HEATR5B: variants seen among roughly 807,000 people sequenced by gnomAD.
The protein encoded by HEATR5B is HEAT repeat-containing protein 5B.
Under a neutral mutation model 224.1 loss-of-function variants are expected in HEATR5B, and 156 were observed. That is an observed-to-expected ratio of 0.70 (90% CI 0.61 to 0.80). The LOEUF is 0.80. Among genes scored for constraint, HEATR5B ranks in the 30% least tolerant of loss-of-function variants. HEATR5B has a pLI of 0.00. For missense variants in HEATR5B, 2,323 were observed against 2,535.5 expected (o/e 0.92, Z 1.80); for synonymous variants, 1,027 against 893.0 (o/e 1.15, Z -2.68).
chr2:37,045,466 A>G (rs537338731), intron 18 of HEATR5B, among the ~76,000 whole-genome samples: 2 of 152,336 alleles, frequency 1.3e-5, no homozygotes, highest in South Asian at 2.1e-4. Context: ...TACTGAAGCA[A>G]TATCGTTCCG....
intron 18 of HEATR5B, among the ~76,000 whole-genome samples, chr2:37,042,718 C>T (rs1669949211): frequency 6.6e-6 from 1 of 151,916 alleles, no homozygotes. Context: ...ATGGTGAAAC[C>T]CTGTCTCTAC....
chr2:36,985,642 T>C (rs143653877), intron 35 of HEATR5B, among the ~76,000 whole-genome samples: 1 of 144,890 alleles, frequency 6.9e-6, no homozygotes. Context: ...TTTTTTTTTT[T>C]TTTCAGTAGA....
intron 20 of HEATR5B, among the ~76,000 whole-genome samples, chr2:37,039,409 T>C (rs758742026): frequency 6.6e-6 from 1 of 151,408 alleles, no homozygotes; most frequent in Admixed American, 6.6e-5. Context: ...GAGGTTGCAG[T>C]CAGCTGAGAC....
chr2:37,021,619 T>C (rs751565634), intron 24 of HEATR5B, among the ~76,000 whole-genome samples: 31 of 152,098 alleles, frequency 2.0e-4, no homozygotes, highest in Non-Finnish European at 1.2e-4. Flanking sequence ...CAGGGCGAAG[T>C]GGCTCAGCCT....
Position 37,037,862 on chromosome 2 carries a change from C to G in HEATR5B, c.3209G>C (p.Ser1070Thr). The G allele has an allele frequency of 1.9e-6, 3 of 1,538,946 alleles. No individual in the cohort carries two copies. Among genetic ancestry groups the G allele is most frequent in the Middle Eastern group, 1.7e-4 (1 of 5,764 alleles). The change falls in exon 21 of 36, where the codon AGC (serine) becomes ACC (threonine). Residue 1070 changes from serine (S) to threonine (T), a missense_variant. This residue lies in a region of HEATR5B where 88 missense variants were observed against 86.8 expected (regional missense o/e 1.01). Transcript: ENST00000233099. ...AAATAGCTCTATACTTACACAAAGG[C>G]TAGGAACAAGGCTAGATAGATTGAC... ...RHVNLSSLVPSLCVHLCSSHL... is the reference protein window; with the variant it reads ...RHVNLSSLVPTLCVHLCSSHL...
chr2:37,025,105 C>G (rs933023781), intron 24 of HEATR5B, among the ~76,000 whole-genome samples: 1 of 152,128 alleles, frequency 6.6e-6, no homozygotes, highest in African/African-American at 2.4e-5. Context: ...TTTATTGGGT[C>G]TATACTTTTT....
chr2:36,981,771 C>T lies in HEATR5B; in HGVS notation c.5935G>A (p.Val1979Ile). ...QNRVQLLALLVPTLISYLLDE... is the reference protein window; with the variant it reads ...QNRVQLLALLIPTLISYLLDE... ...AGCAGGTAAGATATCAAAGTGGGAA[C>T]TAAAAGAGCAAGTAGCTGGACTCCT... is the stretch of plus-strand genomic sequence containing the variant. The change falls in exon 36 of 36, where the codon GTT (valine) becomes ATT (isoleucine). Residue 1979 changes from valine to isoleucine, a missense_variant. By Grantham distance (29) the Val-to-Ile change is conservative (BLOSUM62 3). Coordinates refer to ENST00000233099, the MANE Select transcript of HEATR5B (RefSeq NM_019024.3). The T allele has an allele frequency of 6.2e-7, 1 of 1,611,144 alleles. No homozygotes were observed.
At position 37,008,765 on chromosome 2, in the gene HEATR5B, GTCA is replaced by G; in HGVS notation, c.4365_4367del (p.Asp1457del). On this transcript the variant is annotated inframe_deletion, in exon 28 of 36. Transcript: ENST00000233099. ...GCAGTTCATCGATGGTACCACAGTC[GTCA>G]TCATCATCGTCAGTATTTTTAATTG... 4 of 1,613,940 alleles carry G rather than the reference GTCA, an allele frequency of 2.5e-6. No homozygotes were observed. Among genetic ancestry groups the G allele is most frequent in the Non-Finnish European group, 3.4e-6 (4 of 1,179,870 alleles).
At chr2:37,014,260 C>CA (rs1667972827) in intron 26 of HEATR5B, among the ~76,000 whole-genome samples, 1 of 151,968 alleles carries the variant, frequency 6.6e-6, no homozygotes. Flanking sequence ...CTCCTGGGTT[C>CA]AAAAAATTCT....
At chr2:37,045,742 A>G (rs1415475396) in intron 18 of HEATR5B, among the ~76,000 whole-genome samples, 9 of 152,114 alleles carry the variant, frequency 5.9e-5, no homozygotes, top group Non-Finnish European at 1.3e-4. Context: ...CCAAATTGCA[A>G]ATGCTCTCTC....
At chr2:37,074,692 C>A (rs1478198033) in intron 5 of HEATR5B, among the ~76,000 whole-genome samples, 1 of 152,168 alleles carries the variant, frequency 6.6e-6, no homozygotes, top group African/African-American at 2.4e-5. Flanking sequence ...AAAACACTCT[C>A]AAAAGTCAAT....
At chr2:37,035,946 T>A (rs924815179) in intron 21 of HEATR5B, among the ~76,000 whole-genome samples, 4 of 152,210 alleles carry the variant, frequency 2.6e-5, no homozygotes, top group Non-Finnish European at 5.9e-5. Context: ...TATACTCAAG[T>A]CAAAAACCTA....
At chr2:37,023,748 C>T (rs10084334) in intron 24 of HEATR5B, among the ~76,000 whole-genome samples, 1 of 151,724 alleles carries the variant, frequency 6.6e-6, no homozygotes, top group Non-Finnish European at 1.5e-5. Context: ...ACCGCACTTA[C>T]CTTGGGTGAC....
intron 14 of HEATR5B, 43 bp downstream of exon 14, chr2:37,058,408 G>A (rs778355071): frequency 4.2e-6 from 5 of 1,177,170 alleles, no homozygotes; most frequent in South Asian, 2.5e-5. Flanking sequence ...GTGAAGAATT[G>A]TAAAGAAAAA....
At chr2:37,022,032 C>G (rs1341443825) in intron 24 of HEATR5B, among the ~76,000 whole-genome samples, 2 of 151,876 alleles carry the variant, frequency 1.3e-5, no homozygotes, top group Non-Finnish European at 1.5e-5. Flanking sequence ...CCAAAACCCC[C>G]TTTGGAAAAA....
chr2:37,073,368 C>T (rs1672025513), intron 5 of HEATR5B, among the ~76,000 whole-genome samples: 1 of 152,136 alleles, frequency 6.6e-6, no homozygotes, highest in Admixed American at 6.5e-5. Flanking sequence ...TCAATAGATG[C>T]TGAAAAATGA....
chr2:37,070,173 T>G, intron 7 of HEATR5B, 57 bp downstream of exon 7: 1 of 1,555,178 alleles, frequency 6.4e-7, no homozygotes, highest in Non-Finnish European at 8.9e-7. Flanking sequence ...ATGCTGGGAT[T>G]ACAGGCGTGA....
intron 27 of HEATR5B, among the ~76,000 whole-genome samples, chr2:37,009,116 G>A (rs1456262462): frequency 6.6e-6 from 1 of 151,638 alleles, no homozygotes; most frequent in East Asian, 1.9e-4. Context: ...AAATTAGCCG[G>A]GCATGGTGGC....
At position 37,063,475 on chromosome 2, in the gene HEATR5B, T is replaced by C. The variant is rs1161698622; in HGVS notation, c.1584+1265A>G. Among the ~76,000 whole-genome samples, 5 of 152,180 alleles carry C rather than the reference T, an allele frequency of 3.3e-5. No homozygotes were observed. The East Asian group carries it at 9.6e-4, about 29-fold the overall frequency. On this transcript the variant is annotated intron_variant, in intron 10 of 35. Transcript: ENST00000233099. Reference sequence around the variant, plus strand: ...ATTTTACTCTCTGAGTACTGGGTAGTCCCTAAGGGTCTCTGGGCAAATGTA... The same window carrying C: ...ATTTTACTCTCTGAGTACTGGGTAGCCCCTAAGGGTCTCTGGGCAAATGTA...
Sources: allele counts gnomAD v4.1 joint callset (sites outside exome capture counted in the v4.1 genomes callset), GRCh38; gene constraint gnomAD v4.1.1; regional missense constraint gnomAD v4.1.1; transcripts MANE v1.5; gene names NCBI Gene and HGNC (gene_info 2026-07-23, HGNC 2026-07-21).